The following GRM5 variants were observed in gnomAD, a reference collection of about 807,000 sequenced individuals.
GRM5 encodes the protein metabotropic glutamate receptor 5.
GRM5 carries 19 observed loss-of-function variants against 83.1 expected under a neutral mutation model. The observed-to-expected ratio is 0.23, with a 90% CI of 0.16 to 0.34. The LOEUF is 0.34. Ranked by LOEUF, GRM5 falls within the 10% of genes least tolerant of loss-of-function variation. The pLI, the probability that GRM5 is intolerant of heterozygous loss-of-function variation, is 1.00. For missense variants in GRM5, 1,160 were observed against 1,588.3 expected (o/e 0.73, Z 4.58); for synonymous variants, 675 against 633.6 (o/e 1.07, Z -0.98).
chr11:88,978,572 T>C (rs1939418927), intron 2 of GRM5, among the ~76,000 whole-genome samples: 1 of 145,302 alleles, frequency 6.9e-6, no homozygotes, highest in African/African-American at 2.5e-5. Flanking sequence ...TTTAAAGCCA[T>C]CCTGGGCTGC....
chr11:88,894,928 G>C (rs1261803661), intron 2 of GRM5, among the ~76,000 whole-genome samples: 1 of 151,892 alleles, frequency 6.6e-6, no homozygotes, highest in East Asian at 1.9e-4. Flanking sequence ...CTGCCACCTT[G>C]ATCTTGGACT....
intron 3 of GRM5, among the ~76,000 whole-genome samples, chr11:88,789,488 A>T (rs1943131958): frequency 6.6e-6 from 1 of 152,180 alleles, no homozygotes. Flanking sequence ...TTTTGTTATA[A>T]ATTGAACATT....
At chr11:88,757,242 G>A (rs563888386) in intron 3 of GRM5, among the ~76,000 whole-genome samples, 7 of 152,204 alleles carry the variant, frequency 4.6e-5, no homozygotes, top group African/African-American at 1.4e-4. Flanking sequence ...AGCTTCCCTC[G>A]GGACTGCAGC....
chr11:88,859,303 C>T (rs1253828308), intron 2 of GRM5, among the ~76,000 whole-genome samples: 1 of 151,998 alleles, frequency 6.6e-6, no homozygotes, highest in Non-Finnish European at 1.5e-5. Context: ...AAGAAGTTTT[C>T]TTTGCTCATA....
intron 3 of GRM5, among the ~76,000 whole-genome samples, chr11:88,690,000 CTG>C (rs1283878489): frequency 6.6e-6 from 1 of 152,094 alleles, no homozygotes; most frequent in Non-Finnish European, 1.5e-5. Context: ...TCAAAATAAA[CTG>C]TCCTTTAGGA....
intron 2 of GRM5, among the ~76,000 whole-genome samples, chr11:88,944,472 A>G (rs947359307): frequency 5.3e-5 from 8 of 152,082 alleles, no homozygotes; most frequent in South Asian, 2.1e-4. Flanking sequence ...AGCTAATAAC[A>G]TATCCATCAT....
intron 2 of GRM5, among the ~76,000 whole-genome samples, chr11:89,038,151 T>TTG (rs35505173): frequency 0.063 from 9,145 of 144,610 alleles, 423 homozygotes; most frequent in African/African-American, 0.14. Context: ...TAGAATCTCA[T>TTG]TGTGTGTGTG....
intron 3 of GRM5, among the ~76,000 whole-genome samples, chr11:88,743,850 T>G (rs1347899693): frequency 6.6e-6 from 1 of 152,182 alleles, no homozygotes; most frequent in African/African-American, 2.4e-5. Context: ...TCTAGATGAT[T>G]GACCACACAT....
At chr11:88,675,160 T>C (rs761647068) in intron 3 of GRM5, among the ~76,000 whole-genome samples, 38 of 151,988 alleles carry the variant, frequency 2.5e-4, no homozygotes, top group Non-Finnish European at 4.1e-4. Context: ...TGATCCTACA[T>C]GTGGGAAAGA....
chr11:89,006,110 G>T (rs1250553355), intron 2 of GRM5, among the ~76,000 whole-genome samples: 1 of 152,200 alleles, frequency 6.6e-6, no homozygotes, highest in Non-Finnish European at 1.5e-5. Flanking sequence ...AAAAAGCACA[G>T]TGTTGCAGAA....
At chr11:88,813,674 G>T (rs1173856265) in intron 3 of GRM5, among the ~76,000 whole-genome samples, 1 of 151,968 alleles carries the variant, frequency 6.6e-6, no homozygotes, top group Non-Finnish European at 1.5e-5. Flanking sequence ...AACAGACTAT[G>T]AACCTTTTGT....
chr11:88,878,818 G>A (rs978995209), intron 2 of GRM5, among the ~76,000 whole-genome samples: 1 of 152,158 alleles, frequency 6.6e-6, no homozygotes, highest in Admixed American at 6.6e-5. Flanking sequence ...ATTATGCTAA[G>A]AGAAAGAAAT....
At chr11:88,969,541 AG>A (rs1033508783) in intron 2 of GRM5, among the ~76,000 whole-genome samples, 1 of 152,122 alleles carries the variant, frequency 6.6e-6, no homozygotes, top group African/African-American at 2.4e-5. Flanking sequence ...AACAAAATAG[AG>A]TATAGCAAAT....
At chr11:88,822,040 A>T (rs940683906) in intron 3 of GRM5, among the ~76,000 whole-genome samples, 14 of 152,208 alleles carry the variant, frequency 9.2e-5, no homozygotes, top group Admixed American at 7.9e-4. Context: ...AATTGAGAAG[A>T]GATGATTACT....
At chr11:88,969,678 T>A (rs1939107867) in intron 2 of GRM5, among the ~76,000 whole-genome samples, 1 of 152,158 alleles carries the variant, frequency 6.6e-6, no homozygotes, top group East Asian at 1.9e-4. Flanking sequence ...TCTGTATGAT[T>A]ATTTTACATC....
intron 3 of GRM5, among the ~76,000 whole-genome samples, chr11:88,763,646 T>C (rs1424513362): frequency 1.3e-5 from 2 of 151,948 alleles, no homozygotes; most frequent in East Asian, 3.9e-4. Flanking sequence ...AATCTCTATA[T>C]GTTATTAAAG....
intron 4 of GRM5, among the ~76,000 whole-genome samples, chr11:88,636,845 AAAGATCAGATAGTTGTAGAT>A (rs1233950732): frequency 6.6e-6 from 1 of 152,102 alleles, no homozygotes; most frequent in Non-Finnish European, 1.5e-5. Flanking sequence ...CAGGTTTGTC[AAAGATCAGATAGTTGTAGAT>A]ATGCGGCGTT....
At position 88,607,401 on chromosome 11, in the gene GRM5, A is replaced by T. The variant is rs75077461; in HGVS notation, c.1148-2437T>A. Among the ~76,000 whole-genome samples, 596 of 152,262 alleles carry T rather than the reference A, an allele frequency of 3.9e-3. 11 individuals carry two copies. In the East Asian group the frequency reaches 0.065, roughly 17 times the overall value. On this transcript the variant is annotated intron_variant, in intron 4 of 9. Transcript: ENST00000305447. ...GACTACTTAGCACTAATCTACTTCT[A>T]CCAGACTCAGTATATATCCTCTCCT...
chr11:88,756,013 AC>A (rs374423702), intron 3 of GRM5, among the ~76,000 whole-genome samples: 2 of 152,292 alleles, frequency 1.3e-5, no homozygotes, highest in African/African-American at 4.8e-5. Flanking sequence ...CTCACCATGA[AC>A]AAGGCTTATA....
Sources: gnomAD v4.1 joint callset for allele counts (sites outside exome capture counted in the v4.1 genomes callset) on GRCh38, gnomAD v4.1.1 for gene constraint, MANE v1.5 for transcripts, NCBI Gene and HGNC (gene_info 2026-07-23, HGNC 2026-07-21) for gene names.